The following TENM3 variants were observed in gnomAD, a reference collection of about 807,000 sequenced individuals.
TENM3 encodes the protein teneurin transmembrane protein 3, also known as teneurin-3.
Under a neutral mutation model 255.1 loss-of-function variants are expected in TENM3, and 63 were observed. That is an observed-to-expected ratio of 0.25 (90% CI 0.20 to 0.30). TENM3 has a LOEUF of 0.30. TENM3 is among the 10% of genes least tolerant of loss of function. The probability of loss-of-function intolerance (pLI) is 1.00; values close to 1 mark genes in which losing one functional copy is unlikely to be tolerated. For synonymous variants in TENM3, 1,306 were observed against 1,322.3 expected (o/e 0.99, Z 0.27); for missense variants, 2,929 against 3,461.1 (o/e 0.85, Z 3.86).
chr4:182,131,944 AT>A, the TENM3 span, among the ~76,000 whole-genome samples: 1 of 152,180 alleles, frequency 6.6e-6, no homozygotes, highest in Non-Finnish European at 1.5e-5. Flanking sequence ...CAAGCTAAAC[AT>A]TGGAGCAGTT....
the TENM3 span, among the ~76,000 whole-genome samples, chr4:181,972,097 T>TAG: frequency 6.7e-3 from 1,015 of 152,130 alleles, 8 homozygotes; most frequent in African/African-American, 0.023. Flanking sequence ...AGAGACTTAG[T>TAG]TGAGAGAGAA....
At chr4:181,944,144 G>A in the TENM3 span, among the ~76,000 whole-genome samples, 1 of 152,278 alleles carries the variant, frequency 6.6e-6, no homozygotes, top group South Asian at 2.1e-4. Flanking sequence ...GACTTGTTAT[G>A]AGAACTGGCT....
intron 1 of TENM3, among the ~76,000 whole-genome samples, chr4:182,154,542 T>C (rs1472608251): frequency 6.6e-6 from 1 of 152,190 alleles, no homozygotes; most frequent in Non-Finnish European, 1.5e-5. Context: ...GAGGTTACTA[T>C]TTTGATGCAA....
chr4:181,451,404 G>A, the TENM3 span, among the ~76,000 whole-genome samples: 2 of 152,182 alleles, frequency 1.3e-5, no homozygotes, highest in African/African-American at 4.8e-5. Context: ...TTTCCTCCAA[G>A]TGCAGTGAGA....
rs568365131 is a variant in TENM3, at chr4:182,680,442, G to C, written c.1639+93G>C. On this transcript the variant is annotated intron_variant, in intron 9 of 27. Coordinates refer to ENST00000511685, the MANE Select transcript of TENM3 (RefSeq NM_001080477.4). ...ACTACCGAGACAGGAAAGAAAGGGG[G>C]GGGGAGACTGGCATATTGCTTGTTC... 3.8e-4 allele frequency: 545 copies of C among 1,421,438 alleles called. 2 individuals carry two copies. In the East Asian group the frequency reaches 0.011, roughly 29 times the overall value. 88.1% of individuals were successfully genotyped at this position (1,421,438 alleles called of 1,614,324 possible). A position where few individuals can be genotyped will look rare whatever the true frequency, so the allele number is the denominator to read the frequency against.
At chr4:181,954,528 G>T in the TENM3 span, among the ~76,000 whole-genome samples, 3 of 152,074 alleles carry the variant, frequency 2.0e-5, no homozygotes, top group Non-Finnish European at 2.9e-5. Flanking sequence ...TAATAATCCT[G>T]AGCTTTTAAA....
At chr4:182,527,180 G>A (rs1739288087) in intron 3 of TENM3, among the ~76,000 whole-genome samples, 1 of 152,102 alleles carries the variant, frequency 6.6e-6, no homozygotes, top group Non-Finnish European at 1.5e-5. Context: ...AAAAAGTTAG[G>A]CAACAGCTTC....
rs565471187 is a variant in TENM3 at position 182,470,843 on chromosome 4, A to G, written c.511+123914A>G. On this transcript the variant is annotated intron_variant, in intron 3 of 27. Coordinates refer to ENST00000511685, the MANE Select transcript of TENM3 (RefSeq NM_001080477.4). ...CTCCATGATTCCCAGGTAAATTGCAACACATTTAGTTGCATAGCTCTGAAA... is the reference window on the plus strand; with the variant it reads ...CTCCATGATTCCCAGGTAAATTGCAGCACATTTAGTTGCATAGCTCTGAAA... Among the ~76,000 whole-genome samples the G allele has an allele frequency of 1.1e-4, 17 of 152,318 alleles. No homozygotes were observed. In the South Asian group the frequency reaches 3.5e-3, roughly 32 times the overall value.
chr4:182,453,223 T>C (rs1189362446), intron 3 of TENM3, among the ~76,000 whole-genome samples: 1 of 152,222 alleles, frequency 6.6e-6, no homozygotes, highest in Non-Finnish European at 1.5e-5. Flanking sequence ...AAAATTTTAC[T>C]ATTGGCAGTT....
the TENM3 span, among the ~76,000 whole-genome samples, chr4:181,951,056 A>G: frequency 1.3e-5 from 2 of 152,052 alleles, no homozygotes; most frequent in African/African-American, 4.8e-5. Flanking sequence ...AAACAAAAAC[A>G]TCAACAAACA....
intron 1 of TENM3, among the ~76,000 whole-genome samples, chr4:182,172,491 G>A (rs946976128): frequency 2.0e-5 from 3 of 152,020 alleles, no homozygotes; most frequent in Non-Finnish European, 4.4e-5. Context: ...GACTTCATTC[G>A]TTCCCTGGCT....
the TENM3 span, among the ~76,000 whole-genome samples, chr4:181,825,567 G>A: frequency 6.6e-6 from 1 of 152,046 alleles, no homozygotes; most frequent in Non-Finnish European, 1.5e-5. Context: ...CACTGAAGGA[G>A]ATTAGGAAAG....
the TENM3 span, among the ~76,000 whole-genome samples, chr4:181,988,732 T>G: frequency 6.6e-6 from 1 of 152,062 alleles, no homozygotes; most frequent in Non-Finnish European, 1.5e-5. Context: ...GTCACCTGTC[T>G]TTGCTCTTAT....
At chr4:181,691,383 G>A in the TENM3 span, among the ~76,000 whole-genome samples, 8 of 151,952 alleles carry the variant, frequency 5.3e-5, no homozygotes, top group Non-Finnish European at 1.0e-4. Flanking sequence ...CGATAAGATC[G>A]TACATTTCAT....
chr4:182,234,108 G>C (rs764130681), intron 1 of TENM3, among the ~76,000 whole-genome samples: 1 of 152,158 alleles, frequency 6.6e-6, no homozygotes, highest in African/African-American at 2.4e-5. Context: ...CAAGTTCACC[G>C]TGAAAGCCTG....
At chr4:181,996,526 C>T in the TENM3 span, among the ~76,000 whole-genome samples, 24 of 152,316 alleles carry the variant, frequency 1.6e-4, no homozygotes, top group African/African-American at 4.8e-4. Flanking sequence ...TAGAGAGAAC[C>T]AGGAACCAGG....
chr4:182,767,004 GATA>G (rs1396351577), intron 22 of TENM3, among the ~76,000 whole-genome samples: 4 of 152,056 alleles, frequency 2.6e-5, no homozygotes, highest in African/African-American at 9.7e-5. Flanking sequence ...TGCCATTTTT[GATA>G]ATAGGTAGGT....
chr4:182,170,115 T>C (rs190836636), intron 1 of TENM3, among the ~76,000 whole-genome samples: 6 of 151,596 alleles, frequency 4.0e-5, no homozygotes, highest in South Asian at 2.1e-4. Context: ...GGCACTTTCA[T>C]GTCAGCTAAG....
the TENM3 span, among the ~76,000 whole-genome samples, chr4:181,495,762 A>G: frequency 5.9e-5 from 9 of 152,134 alleles, no homozygotes; most frequent in African/African-American, 2.2e-4. Context: ...CAAACTTCTT[A>G]TAGGAAAATA....
Sources: allele counts gnomAD v4.1 joint callset (sites outside exome capture counted in the v4.1 genomes callset), GRCh38; gene constraint gnomAD v4.1.1; transcripts MANE v1.5; gene names NCBI Gene and HGNC (gene_info 2026-07-23, HGNC 2026-07-21).